MINK1: variants seen among roughly 807,000 people sequenced by gnomAD.
MINK1 encodes misshapen-like kinase 1.
MINK1 carries 46 observed loss-of-function variants against 178.4 expected under a neutral mutation model. The observed-to-expected ratio is 0.26, with a 90% CI of 0.20 to 0.33. The LOEUF (loss-of-function observed/expected upper bound fraction) is 0.33. MINK1 is among the 10% of genes least tolerant of loss of function. MINK1 has a pLI of 1.00. For synonymous variants in MINK1, 797 were observed against 709.7 expected (o/e 1.12, Z -1.96); for missense variants, 1,366 against 1,814.9 (o/e 0.75, Z 4.49).
rs1969290787 is a variant in MINK1 at position 4,894,918 on chromosome 17, C to T, written c.2918-157C>T. 1 of 813,016 alleles carries T rather than the reference C, an allele frequency of 1.2e-6. No homozygotes were observed. The highest frequency in any genetic ancestry group is 1.9e-6 in the Non-Finnish European group (1 of 524,492). The allele number at this position is 813,016 out of a possible 1,614,324, so 50.4% of individuals were successfully genotyped here. ...CCAGACCTTTTGACTCCAAGTCCAG[C>T]ACTCTATCCCCCTCTCCCATGCACC... On this transcript the variant is annotated intron_variant, in intron 24 of 31. Coordinates refer to ENST00000355280, the MANE Select transcript of MINK1 (RefSeq NM_153827.5). The surrounding 1 kb of genome is among the most constrained non-coding windows in gnomAD (Gnocchi z 4.1).
chr17:4,867,538 G>A (rs915111797), intron 1 of MINK1, among the ~76,000 whole-genome samples: 1 of 151,960 alleles, frequency 6.6e-6, no homozygotes, highest in Admixed American at 6.6e-5. Flanking sequence ...AGTGGCTCAC[G>A]CCTATAATCC....
intron 1 of MINK1, among the ~76,000 whole-genome samples, chr17:4,842,620 T>G (rs1910422460): frequency 6.6e-6 from 1 of 152,226 alleles, no homozygotes; most frequent in Non-Finnish European, 1.5e-5. Flanking sequence ...CACTCTTTCT[T>G]TCAAGGCACA....
chr17:4,890,746 C>T lies in MINK1; in HGVS notation c.1566+11C>T. 1 of 1,540,956 alleles carries T rather than the reference C, an allele frequency of 6.5e-7. No individual in the cohort carries two copies. On this transcript the variant is annotated intron_variant, in intron 14 of 31. Coordinates refer to ENST00000355280, the MANE Select transcript of MINK1 (RefSeq NM_153827.5). Reference sequence around the variant, plus strand: ...GCCTGGGCCCGAGAGGTACTCACTGCCTCCTTTGCCTCCTGAGACTGCAGT... The same window carrying T: ...GCCTGGGCCCGAGAGGTACTCACTGTCTCCTTTGCCTCCTGAGACTGCAGT...
intron 2 of MINK1, among the ~76,000 whole-genome samples, 178 bp downstream of exon 2, chr17:4,878,560 G>A (rs1967408176): frequency 6.6e-6 from 1 of 152,194 alleles, no homozygotes; most frequent in Non-Finnish European, 1.5e-5. Flanking sequence ...AGGTACTGTT[G>A]ATGCCTCTCT....
rs1247535619 is a variant in MINK1 at position 4,897,992 on chromosome 17, C to A, written c.*705C>A. On this transcript the variant is annotated 3_prime_UTR_variant, in exon 32 of 32. Transcript: ENST00000355280. ...CAAGTAACCCTTCTCCCTCCCCCCC[C>A]ACCCCTCCTCAATGTAGTGGCCTTG... is the stretch of plus-strand genomic sequence containing the variant. 6.7e-6 allele frequency: 1 copy of A among 148,168 alleles called. No homozygotes were observed. The highest frequency in any genetic ancestry group is 1.5e-5 in the Non-Finnish European group (1 of 66,372). 9.2% of individuals were successfully genotyped at this position (148,168 alleles called of 1,614,324 possible). A position where few individuals can be genotyped will look rare whatever the true frequency, so the allele number is the denominator to read the frequency against.
chr17:4,880,879 G>A (rs1463931704), intron 2 of MINK1, 105 bp from the exon 3 acceptor site: 16 of 1,170,774 alleles, frequency 1.4e-5, no homozygotes, highest in Admixed American at 3.0e-5. Flanking sequence ...TAGTCTGGGC[G>A]ACAGAGCGAG....
chr17:4,875,119 G>A lies in MINK1; in HGVS notation c.58-3198G>A. On this transcript the variant is annotated intron_variant, in intron 1 of 31. Coordinates refer to ENST00000355280, the MANE Select transcript of MINK1 (RefSeq NM_153827.5). The stretch of plus-strand genomic sequence containing the variant: ...GCAGTCAGTTCAGACGCCCCGGAAT[G>A]GATGAGTTCTTCTGTTGGGGAGCTC... 3.8e-6 allele frequency: 2 copies of A among 520,078 alleles called. 1 individual carries two copies. Among genetic ancestry groups the A allele is most frequent in the Non-Finnish European group, 7.7e-6 (2 of 259,868 alleles). 32.2% of individuals were successfully genotyped at this position (520,078 alleles called of 1,614,324 possible). A position where few individuals can be genotyped will look rare whatever the true frequency, so the allele number is the denominator to read the frequency against.
rs920247156 is a variant in MINK1, at chr17:4,887,006, G to C, written c.950-104G>C. On this transcript the variant is annotated intron_variant, in intron 10 of 31. Transcript: ENST00000355280. This position sits in a 1 kb window ranked among gnomAD's most constrained non-coding sequence, Gnocchi z 7.6. ...CCAGGAAGTGGGTGGGGCCCCTCAT[G>C]CTTGCCCAGCCAGAGAGACCTGGTT... 1 of 1,271,214 alleles carries C rather than the reference G, an allele frequency of 7.9e-7. No individual in the cohort carries two copies. Among genetic ancestry groups the C allele is most frequent in the Non-Finnish European group, 1.1e-6 (1 of 910,080 alleles). 78.7% of individuals were successfully genotyped at this position (1,271,214 alleles called of 1,614,324 possible).
rs1202880731 is a variant in MINK1 at position 4,897,435 on chromosome 17, C to T, written c.*148C>T. Reference sequence around the variant, plus strand: ...CCTGCTGGGAACGTGACCTCTGACCCCTGATGCTTTCGTGATCACGTGACC... The same window carrying T: ...CCTGCTGGGAACGTGACCTCTGACCTCTGATGCTTTCGTGATCACGTGACC... On this transcript the variant is annotated 3_prime_UTR_variant, in exon 32 of 32. Coordinates refer to ENST00000355280, the MANE Select transcript of MINK1 (RefSeq NM_153827.5). 3.2e-5 allele frequency: 21 copies of T among 661,020 alleles called. No individual in the cohort carries two copies. The highest frequency in any genetic ancestry group is 2.1e-5 in the Non-Finnish European group (8 of 385,166). 40.9% of individuals were successfully genotyped at this position (661,020 alleles called of 1,614,324 possible).
chr17:4,892,553 CT>C (rs1968963175), intron 18 of MINK1, 41 bp downstream of exon 18: 1 of 1,537,796 alleles, frequency 6.5e-7, no homozygotes, highest in Admixed American at 1.8e-5. Context: ...CCTCTCACTT[CT>C]GCCACCCGCT....
rs535581252 is a variant in MINK1, at chr17:4,851,999, C to CAA, written c.57+18386_57+18387dup. 2.9e-4 allele frequency among the ~76,000 whole-genome samples: 20 copies of CAA among 69,446 alleles called. 1 individual carries two copies. Among genetic ancestry groups the CAA allele is most frequent in the African/African-American group, 9.7e-4 (15 of 15,526 alleles). The allele number at this position is 69,446 out of a possible 152,430, so 45.6% of individuals were successfully genotyped here. ...TGGGCAACAGAGTGAGACTCTGTCT[C>CAA]AAAAAAAAAAAAAAAAAAAAAAAAA... On this transcript the variant is annotated intron_variant, in intron 1 of 31. Coordinates refer to ENST00000355280, the MANE Select transcript of MINK1 (RefSeq NM_153827.5).
At chr17:4,857,874 C>T (rs1032497530) in intron 1 of MINK1, among the ~76,000 whole-genome samples, 2 of 152,138 alleles carry the variant, frequency 1.3e-5, no homozygotes, top group Non-Finnish European at 2.9e-5. Flanking sequence ...GTGCCTAAGA[C>T]ACCACCCTTC....
At chr17:4,876,560 T>C (rs1242792073) in intron 1 of MINK1, among the ~76,000 whole-genome samples, 2 of 152,174 alleles carry the variant, frequency 1.3e-5, no homozygotes, top group African/African-American at 4.8e-5. Context: ...TTTATTGGCA[T>C]GGATGTGGGC....
intron 1 of MINK1, among the ~76,000 whole-genome samples, chr17:4,862,463 AG>A (rs1914309872): frequency 6.6e-6 from 1 of 152,152 alleles, no homozygotes; most frequent in Non-Finnish European, 1.5e-5. Context: ...AAGACCAGCC[AG>A]GCCAACATGG....
At chr17:4,869,298 C>T (rs1457397045) in intron 1 of MINK1, among the ~76,000 whole-genome samples, 1 of 150,272 alleles carries the variant, frequency 6.7e-6, no homozygotes, top group Non-Finnish European at 1.5e-5. Context: ...ATTTTTGAGA[C>T]AGCGTTTCAC....
Position 4,896,158 on chromosome 17 carries a change from G to T in MINK1, c.3466-35G>T, listed in dbSNP as rs190652647. ...CTGGAGTCCCAGCGCCTCTCCCCGTGCCCCTGAGCCCTCCTCTCCTCCGGT... is the reference window on the plus strand; with the variant it reads ...CTGGAGTCCCAGCGCCTCTCCCCGTTCCCCTGAGCCCTCCTCTCCTCCGGT... On this transcript the variant is annotated intron_variant, in intron 28 of 31. Coordinates refer to ENST00000355280, the MANE Select transcript of MINK1 (RefSeq NM_153827.5). This position sits in a 1 kb window ranked among gnomAD's most constrained non-coding sequence, Gnocchi z 4.6. 1 of 1,602,060 alleles carries T rather than the reference G, an allele frequency of 6.2e-7. No homozygotes were observed. Among genetic ancestry groups the T allele is most frequent in the Non-Finnish European group, 8.5e-7 (1 of 1,173,776 alleles).
At position 4,836,052 on chromosome 17, in the gene MINK1, A is replaced by G. The variant is rs1019235070; in HGVS notation, c.57+2412A>G. Reference sequence around the variant, plus strand: ...TTCTCCCTGCTGCAGACCTTTTCTCAGTGCCTGTCCCCCTGACTCCACCTC... The same window carrying G: ...TTCTCCCTGCTGCAGACCTTTTCTCGGTGCCTGTCCCCCTGACTCCACCTC... On this transcript the variant is annotated intron_variant, in intron 1 of 31. Transcript: ENST00000355280. This position sits in a 1 kb window ranked among gnomAD's most constrained non-coding sequence, Gnocchi z 4.3. Among the ~76,000 whole-genome samples the G allele has an allele frequency of 6.6e-6, 1 of 152,122 alleles. No individual in the cohort carries two copies. Among genetic ancestry groups the G allele is most frequent in the African/African-American group, 2.4e-5 (1 of 41,426 alleles).
At chr17:4,889,855 C>A in intron 13 of MINK1, 92 bp downstream of exon 13, 1 of 887,140 alleles carries the variant, frequency 1.1e-6, no homozygotes, top group Non-Finnish European at 1.7e-6. Context: ...CTTCTCTCCC[C>A]CACCCCCAGA....
chr17:4,895,347 C>T lies in MINK1; in HGVS notation c.3086-3C>T. The stretch of plus-strand genomic sequence containing the variant: ...CTGACCTGCCCAAGGGCTCCTGTTG[C>T]AGGGGTCAACCTGCTGGTGGGCACG... On this transcript the variant is annotated splice_polypyrimidine_tract_variant and splice_region_variant and intron_variant, in intron 25 of 31. Transcript: ENST00000355280. The surrounding 1 kb of genome is among the most constrained non-coding windows in gnomAD (Gnocchi z 4.3). 1.2e-6 allele frequency: 2 copies of T among 1,602,580 alleles called. No homozygotes were observed. Among genetic ancestry groups the T allele is most frequent in the South Asian group, 2.2e-5 (2 of 89,414 alleles).
Sources: gnomAD v4.1 joint callset for allele counts (sites outside exome capture counted in the v4.1 genomes callset) on GRCh38, gnomAD v4.1.1 for gene constraint, Gnocchi (gnomAD v3.1) non-coding constraint, MANE v1.5 for transcripts, NCBI Gene and HGNC (gene_info 2026-07-23, HGNC 2026-07-21) for gene names.